The following VAT1L variants were observed in gnomAD, a reference collection of about 807,000 sequenced individuals.
VAT1L encodes the protein vesicle amine transport 1 like.
VAT1L carries 34 observed loss-of-function variants against 44.1 expected under a neutral mutation model. The observed-to-expected ratio is 0.77, with a 90% CI of 0.59 to 1.03. The LOEUF (loss-of-function observed/expected upper bound fraction) is 1.03, where lower values mean the gene tolerates loss of function less well. Among genes scored for constraint, VAT1L ranks in the 50% least tolerant of loss-of-function variants. The pLI is 0.00. For missense variants in VAT1L, 615 were observed against 538.8 expected (o/e 1.14, Z -1.40); for synonymous variants, 253 against 202.2 (o/e 1.25, Z -2.13).
chr16:77,801,133 A>G (rs1381527026), intron 1 of VAT1L: 1 of 152,098 alleles, frequency 6.6e-6, no homozygotes, highest in Non-Finnish European at 1.5e-5. Flanking sequence ...CTGGCCCCAT[A>G]GTAGCCTTTT....
intron 7 of VAT1L, among the ~76,000 whole-genome samples, chr16:77,901,565 G>A (rs2017383774): frequency 1.3e-5 from 2 of 152,250 alleles, no homozygotes; most frequent in African/African-American, 4.8e-5. Context: ...CCTATCAAGT[G>A]CCTCTTACTT....
chr16:77,848,296 G>A (rs2016776202), intron 3 of VAT1L, among the ~76,000 whole-genome samples: 3 of 152,208 alleles, frequency 2.0e-5, no homozygotes, highest in African/African-American at 4.8e-5. Flanking sequence ...TATTATAGGA[G>A]GAAGCTGAGT....
intron 7 of VAT1L, among the ~76,000 whole-genome samples, chr16:77,908,289 G>C (rs1034843223): frequency 6.6e-6 from 1 of 150,446 alleles, no homozygotes; most frequent in Admixed American, 6.6e-5. Context: ...GTGAAATTCC[G>C]TCTCTATGAG....
In VAT1L at chr16:77,825,158, C is replaced by T. The variant is rs577798279; in HGVS notation, c.364-88C>T. 1.5e-4 allele frequency: 223 copies of T among 1,444,026 alleles called. 3 individuals carry two copies. In the South Asian group the frequency reaches 2.4e-3, roughly 15 times the overall value. 89.5% of individuals were successfully genotyped at this position (1,444,026 alleles called of 1,614,324 possible). On this transcript the variant is annotated intron_variant, in intron 2 of 8. Transcript: ENST00000302536. ...CTGGGATTATACGCATGAGCCACAG[C>T]GCCTGGCCAGCTCCCAGTAATTCTG...
intron 5 of VAT1L, among the ~76,000 whole-genome samples, 199 bp downstream of exon 5, chr16:77,876,672 A>C (rs2017090696): frequency 1.3e-5 from 2 of 152,200 alleles, no homozygotes; most frequent in Admixed American, 6.5e-5. Flanking sequence ...ACTGTCCTAT[A>C]TCCTATTATT....
intron 3 of VAT1L, among the ~76,000 whole-genome samples, chr16:77,839,881 T>C (rs565732110): frequency 3.3e-4 from 51 of 152,334 alleles, no homozygotes; most frequent in Non-Finnish European, 6.9e-4. Context: ...AAAGAATGTA[T>C]TGATCTTCAA....
chr16:77,823,641 T>G (rs1174960856), intron 2 of VAT1L, among the ~76,000 whole-genome samples: 1 of 152,232 alleles, frequency 6.6e-6, no homozygotes, highest in Non-Finnish European at 1.5e-5. Context: ...TCATGTAGAT[T>G]AACTGACAAA....
intron 3 of VAT1L, among the ~76,000 whole-genome samples, chr16:77,834,060 T>A (rs1333457399): frequency 6.6e-6 from 1 of 152,174 alleles, no homozygotes; most frequent in African/African-American, 2.4e-5. Context: ...ACCAGAATGG[T>A]TCTCCACACA....
intron 3 of VAT1L, among the ~76,000 whole-genome samples, chr16:77,830,739 T>TG (rs1461185222): frequency 6.6e-6 from 1 of 152,164 alleles, no homozygotes; most frequent in Non-Finnish European, 1.5e-5. Flanking sequence ...GCTGGAGGGC[T>TG]GTGGCGCAGT....
chr16:77,884,844 TA>T lies in VAT1L; in HGVS notation c.1077+44del. The T allele has an allele frequency of 7.0e-7, 1 of 1,430,848 alleles. No homozygotes were observed. Among genetic ancestry groups the T allele is most frequent in the Non-Finnish European group, 9.2e-7 (1 of 1,090,038 alleles). 88.6% of individuals were successfully genotyped at this position (1,430,848 alleles called of 1,614,324 possible). A position where few individuals can be genotyped will look rare whatever the true frequency, so the allele number is the denominator to read the frequency against. ...TCTTCTGCAAATAAACTCCTCTTTT[TA>T]ACTCAGGAAGGTTTGGGCAGCCAAA... On this transcript the variant is annotated intron_variant, in intron 7 of 8. Transcript: ENST00000302536. The surrounding 1 kb of genome is among the most constrained non-coding windows in gnomAD (Gnocchi z 4.5).
chr16:77,851,439 A>G (rs970870209), intron 3 of VAT1L, among the ~76,000 whole-genome samples: 1 of 152,180 alleles, frequency 6.6e-6, no homozygotes, highest in Non-Finnish European at 1.5e-5. Flanking sequence ...GCTTGAGGCC[A>G]GGAGCTCGAG....
chr16:77,803,495 C>G (rs2016102581), intron 1 of VAT1L, among the ~76,000 whole-genome samples: 1 of 146,302 alleles, frequency 6.8e-6, no homozygotes, highest in South Asian at 2.2e-4. Context: ...TCTCGGCTCA[C>G]TGCAAGCTCC....
chr16:77,929,348 G>A (rs899392417), intron 7 of VAT1L, among the ~76,000 whole-genome samples: 2 of 152,170 alleles, frequency 1.3e-5, no homozygotes, highest in African/African-American at 2.4e-5. Context: ...AGAAAGAGGA[G>A]TTATATGAGC....
In VAT1L at chr16:77,884,454, A is replaced by G. The variant is rs1429738139; in HGVS notation, c.883-154A>G. ...TAAAAATAAAAAATAAAATAAAAAA[A>G]TACACCACCAAGAGCAACCCCTTGG... On this transcript the variant is annotated intron_variant, in intron 6 of 8. Coordinates refer to ENST00000302536, the MANE Select transcript of VAT1L (RefSeq NM_020927.3). The surrounding 1 kb of genome is among the most constrained non-coding windows in gnomAD (Gnocchi z 4.5). Among the ~76,000 whole-genome samples, 1 of 151,920 alleles carries G rather than the reference A, an allele frequency of 6.6e-6. No individual in the cohort carries two copies. Among genetic ancestry groups the G allele is most frequent in the Non-Finnish European group, 1.5e-5 (1 of 67,946 alleles).
chr16:77,965,437 G>C (rs1281953293), intron 7 of VAT1L, among the ~76,000 whole-genome samples: 2 of 152,200 alleles, frequency 1.3e-5, no homozygotes, highest in African/African-American at 2.4e-5. Context: ...AGAAGTGTCA[G>C]AGAAAGTCCA....
Position 77,977,642 on chromosome 16 carries a change from G to A in VAT1L, c.1207G>A (p.Glu403Lys), listed in dbSNP as rs749405618. Residue 403 changes from glutamate (E) to lysine (K), a missense_variant, in exon 9 of 9, where the codon GAG becomes AAG. Coordinates refer to ENST00000302536, the MANE Select transcript of VAT1L (RefSeq NM_020927.3). The stretch of plus-strand genomic sequence containing the variant: ...GACCAGTGAAGCAGGGGAAGAGGAG[G>A]AGGACCACGAGGGAGACAGCGAGAA... Reference protein sequence around the residue: ...TETSEAGEEEEDHEGDSENKE... With the variant: ...TETSEAGEEEKDHEGDSENKE... The A allele has an allele frequency of 1.2e-6, 2 of 1,614,138 alleles. No homozygotes were observed. The highest frequency in any genetic ancestry group is 1.7e-6 in the Non-Finnish European group (2 of 1,180,002).
chr16:77,955,759 A>G (rs2018097254), intron 7 of VAT1L, among the ~76,000 whole-genome samples: 1 of 148,782 alleles, frequency 6.7e-6, no homozygotes, highest in Non-Finnish European at 1.5e-5. Context: ...GAATGGAATG[A>G]GTGAAATGAC....
chr16:77,801,909 C>G (rs1287397762), intron 1 of VAT1L, among the ~76,000 whole-genome samples: 1 of 152,092 alleles, frequency 6.6e-6, no homozygotes, highest in Non-Finnish European at 1.5e-5. Flanking sequence ...TACTGGGGAC[C>G]TCATAATAAA....
chr16:77,894,551 G>A (rs1567500741), intron 7 of VAT1L, among the ~76,000 whole-genome samples: 1 of 152,140 alleles, frequency 6.6e-6, no homozygotes, highest in African/African-American at 2.4e-5. Context: ...CCTAGGTCTG[G>A]GGGACTTGGA....
Sources: gnomAD v4.1 joint callset for allele counts (sites outside exome capture counted in the v4.1 genomes callset) on GRCh38, gnomAD v4.1.1 for gene constraint, Gnocchi (gnomAD v3.1) non-coding constraint, MANE v1.5 for transcripts, NCBI Gene and HGNC (gene_info 2026-07-23, HGNC 2026-07-21) for gene names.